Variants in PTPN14 observed in about 807,000 individuals in gnomAD.
PTPN14 encodes the protein protein tyrosine phosphatase non-receptor type 14.
PTPN14 carries 53 observed loss-of-function variants against 126.8 expected under a neutral mutation model. The observed-to-expected ratio is 0.42, with a 90% CI of 0.34 to 0.53. The LOEUF (loss-of-function observed/expected upper bound fraction) is 0.53. Ranked by LOEUF, PTPN14 falls within the 20% of genes least tolerant of loss-of-function variation. The probability of loss-of-function intolerance (pLI) is 0.08; values close to 1 mark genes in which losing one functional copy is unlikely to be tolerated. For synonymous variants in PTPN14, 630 were observed against 599.3 expected (o/e 1.05, Z -0.75); for missense variants, 1,257 against 1,552.9 (o/e 0.81, Z 3.20).
chr1:214,542,934 G>A (rs1242820695), intron 1 of PTPN14, among the ~76,000 whole-genome samples: 1 of 152,098 alleles, frequency 6.6e-6, no homozygotes, highest in African/African-American at 2.4e-5. Context: ...GTTGACTTAG[G>A]AGCTAAAATA....
At chr1:214,366,294 C>T (rs888412325) in intron 17 of PTPN14, among the ~76,000 whole-genome samples, 12 of 152,160 alleles carry the variant, frequency 7.9e-5, no homozygotes, top group African/African-American at 2.4e-4. Context: ...AATTTTTCTG[C>T]GAGGGGGAAA....
intron 6 of PTPN14, 140 bp downstream of exon 6, chr1:214,402,743 C>A: frequency 3.5e-6 from 3 of 848,680 alleles, no homozygotes; most frequent in Non-Finnish European, 5.4e-6. Context: ...AACGGAAGTA[C>A]AGAGCTGAGT....
In PTPN14 at chr1:214,384,909, T is replaced by C. The variant is rs772770681; in HGVS notation, c.1067-121A>G. On this transcript the variant is annotated intron_variant, in intron 12 of 18. Transcript: ENST00000366956. This position sits in a 1 kb window ranked among gnomAD's most constrained non-coding sequence, Gnocchi z 5.3. ...AATCATAAAAAGTGAAATCCCATGG[T>C]CTCCACCCACATGTTCTATAGAATA... 1.7e-6 allele frequency: 2 copies of C among 1,157,258 alleles called. No individual in the cohort carries two copies. The highest frequency in any genetic ancestry group is 2.4e-6 in the Non-Finnish European group (2 of 824,972). The allele number at this position is 1,157,258 out of a possible 1,614,324, so 71.7% of individuals were successfully genotyped here.
chr1:214,484,066 ATTTAGT>A, intron 1 of PTPN14, among the ~76,000 whole-genome samples: 1 of 152,354 alleles, frequency 6.6e-6, no homozygotes. Context: ...ATATAGGTGT[ATTTAGT>A]TCCTTGCCTG....
chr1:214,447,560 T>C (rs901515243), intron 3 of PTPN14, among the ~76,000 whole-genome samples: 1 of 151,772 alleles, frequency 6.6e-6, no homozygotes, highest in Non-Finnish European at 1.5e-5. Flanking sequence ...ACAACTTTTC[T>C]TTGATTTCTT....
At chr1:214,415,789 T>G (rs1004945809) in intron 3 of PTPN14, among the ~76,000 whole-genome samples, 1 of 152,126 alleles carries the variant, frequency 6.6e-6, no homozygotes, top group African/African-American at 2.4e-5. Flanking sequence ...TCCTCTTGGG[T>G]GTACTAAACA....
At chr1:214,395,053 G>A in intron 8 of PTPN14, 67 bp from the exon 9 acceptor site, 26 of 1,320,984 alleles carry the variant, frequency 2.0e-5, no homozygotes, top group Non-Finnish European at 2.6e-5. Flanking sequence ...CAGCAGAGGA[G>A]GGCTGTTTGC....
At chr1:214,548,440 T>C (rs768211489) in intron 1 of PTPN14, among the ~76,000 whole-genome samples, 31 of 152,172 alleles carry the variant, frequency 2.0e-4, no homozygotes, top group Non-Finnish European at 4.1e-4. Context: ...TACCAAAGCT[T>C]TCGTGTTTGT....
intron 3 of PTPN14, among the ~76,000 whole-genome samples, chr1:214,429,435 A>G (rs1464233182): frequency 6.6e-6 from 1 of 152,232 alleles, no homozygotes; most frequent in East Asian, 1.9e-4. Context: ...TCAGATAGCT[A>G]GAGTACTACA....
intron 3 of PTPN14, among the ~76,000 whole-genome samples, chr1:214,434,668 T>C (rs1461995137): frequency 2.6e-5 from 4 of 152,148 alleles, no homozygotes; most frequent in African/African-American, 9.7e-5. Flanking sequence ...GAAGCAGATA[T>C]TAAAGATATT....
At chr1:214,401,006 G>C (rs1002617265) in intron 7 of PTPN14, among the ~76,000 whole-genome samples, 3 of 152,148 alleles carry the variant, frequency 2.0e-5, no homozygotes, top group South Asian at 4.1e-4. Flanking sequence ...AGTTGCTTTA[G>C]GTTTCTGATA....
intron 1 of PTPN14, among the ~76,000 whole-genome samples, chr1:214,490,867 G>A (rs1272015135): frequency 2.6e-4 from 5 of 19,102 alleles, no homozygotes; most frequent in Non-Finnish European, 4.3e-4. Context: ...AGGGAGGGGA[G>A]GGGAGGGGAG....
chr1:214,493,050 A>AG (rs1558128203), intron 1 of PTPN14, among the ~76,000 whole-genome samples: 1 of 152,216 alleles, frequency 6.6e-6, no homozygotes, highest in Middle Eastern at 3.4e-3. Flanking sequence ...CTGTTTTCAG[A>AG]GGGGGGATGA....
At chr1:214,392,044 C>T (rs1367070224) in intron 10 of PTPN14, among the ~76,000 whole-genome samples, 2 of 152,092 alleles carry the variant, frequency 1.3e-5, no homozygotes, top group African/African-American at 2.4e-5. Context: ...CAGAGAGTAT[C>T]GCCCTCTGGA....
chr1:214,422,824 C>G lies in PTPN14; in HGVS notation c.345-8098G>C, dbSNP rs111495686. 3.3e-5 allele frequency among the ~76,000 whole-genome samples: 5 copies of G among 152,252 alleles called. 1 individual carries two copies. The highest frequency in any genetic ancestry group is 9.6e-5 in the African/African-American group (4 of 41,536). ...CCTAGAATCCCTAATTAAAGGTAGT[C>G]CCTACCTTTTCACAGGTAAGCAACT... On this transcript the variant is annotated intron_variant, in intron 3 of 18. Transcript: ENST00000366956.
intron 1 of PTPN14, among the ~76,000 whole-genome samples, chr1:214,485,340 C>T (rs1353840395): frequency 6.6e-6 from 1 of 152,192 alleles, no homozygotes; most frequent in Non-Finnish European, 1.5e-5. Context: ...CAGAGGAATG[C>T]TTCTAGCGGA....
At chr1:214,401,618 C>A in intron 7 of PTPN14, 67 bp downstream of exon 7, 2 of 1,367,220 alleles carry the variant, frequency 1.5e-6, no homozygotes, top group Non-Finnish European at 2.0e-6. Context: ...CTGCTATCAA[C>A]AATGGTTTTC....
intron 11 of PTPN14, among the ~76,000 whole-genome samples, chr1:214,388,984 C>T (rs1366278214): frequency 1.3e-5 from 2 of 152,144 alleles, no homozygotes; most frequent in African/African-American, 4.8e-5. Flanking sequence ...GAACTGAAAT[C>T]AATCTAAGAA....
Position 214,408,574 on chromosome 1 carries a change from C to T in PTPN14, c.510+3110G>A, listed in dbSNP as rs183404840. The stretch of plus-strand genomic sequence containing the variant: ...GTGTGCCAGATGACAGTGAAGAAGA[C>T]AGGGTCCCTGTTTAAAGACCATAGA... On this transcript the variant is annotated intron_variant, in intron 5 of 18. Coordinates refer to ENST00000366956, the MANE Select transcript of PTPN14 (RefSeq NM_005401.5). 9.7e-4 allele frequency among the ~76,000 whole-genome samples: 146 copies of T among 151,058 alleles called. 1 individual carries two copies. Among genetic ancestry groups the T allele is most frequent in the Admixed American group, 1.6e-3 (24 of 15,250 alleles).
Sources: gnomAD v4.1 joint callset for allele counts (sites outside exome capture counted in the v4.1 genomes callset) on GRCh38, gnomAD v4.1.1 for gene constraint, Gnocchi (gnomAD v3.1) non-coding constraint, MANE v1.5 for transcripts, NCBI Gene and HGNC (gene_info 2026-07-23, HGNC 2026-07-21) for gene names.